Variants in PGS1 observed in about 807,000 individuals in gnomAD.
PGS1 encodes the protein CDP-diacylglycerol--glycerol-3-phosphate 3-phosphatidyltransferase, mitochondrial.
PGS1 carries 44 observed loss-of-function variants against 58.3 expected under a neutral mutation model. The ratio of observed to expected loss-of-function variants is 0.75; its 90% CI spans 0.59 to 0.97. PGS1 has a LOEUF of 0.97. PGS1 is among the 50% of genes least tolerant of loss of function. The probability of loss-of-function intolerance (pLI) is 0.00; values close to 1 mark genes in which losing one functional copy is unlikely to be tolerated. For missense variants in PGS1, 684 were observed against 731.1 expected, an observed-to-expected ratio of 0.94 and a Z score of 0.74; for synonymous variants, 330 against 311.0, an observed-to-expected ratio of 1.06 and a Z score of -0.64.
intron 8 of PGS1, among the ~76,000 whole-genome samples, chr17:78,415,871 C>T (rs758392953): frequency 1.3e-5 from 2 of 152,210 alleles, no homozygotes; most frequent in Non-Finnish European, 2.9e-5. Context: ...TAACACTTTT[C>T]CATGGAAGGC....
intron 7 of PGS1, among the ~76,000 whole-genome samples, chr17:78,409,212 G>A (rs941854412): frequency 1.3e-5 from 2 of 152,258 alleles, no homozygotes; most frequent in Non-Finnish European, 2.9e-5. Flanking sequence ...CCATCTGCTG[G>A]GACATGGGCT....
At chr17:78,401,573 G>C (rs953147368) in intron 6 of PGS1, among the ~76,000 whole-genome samples, 3 of 152,158 alleles carry the variant, frequency 2.0e-5, no homozygotes, top group Non-Finnish European at 2.9e-5. Context: ...TTGGGGAGGA[G>C]GAGCTGAAGT....
At chr17:78,385,582 C>T (rs1380526416) in intron 1 of PGS1, among the ~76,000 whole-genome samples, 1 of 152,204 alleles carries the variant, frequency 6.6e-6, no homozygotes, top group Non-Finnish European at 1.5e-5. Context: ...AGCCGCTGTG[C>T]CTGGCCTAAT....
intron 2 of PGS1, among the ~76,000 whole-genome samples, chr17:78,393,198 CT>C (rs2146143261): frequency 6.6e-6 from 1 of 152,126 alleles, no homozygotes; most frequent in South Asian, 2.1e-4. Flanking sequence ...ATAGCTGGGA[CT>C]ACAGGCGCCT....
At chr17:78,422,702 G>A (rs947465206) in intron 9 of PGS1, among the ~76,000 whole-genome samples, 7 of 151,968 alleles carry the variant, frequency 4.6e-5, no homozygotes, top group African/African-American at 7.3e-5. Flanking sequence ...GTTTTGCCAC[G>A]TTGCCCAGGC....
intron 9 of PGS1, chr17:78,420,015 AAGGC>A (rs2146347942): frequency 8.7e-7 from 1 of 1,145,714 alleles, no homozygotes; most frequent in South Asian, 1.9e-5. Flanking sequence ...AGGGGGCAGA[AAGGC>A]AGATTGAGCC....
chr17:78,399,413 TC>T lies in PGS1; in HGVS notation c.580del (p.Leu194SerfsTer39). 6.2e-7 allele frequency: 1 copy of T among 1,614,084 alleles called. No individual in the cohort carries two copies. Among genetic ancestry groups the T allele is most frequent in the Non-Finnish European group, 8.5e-7 (1 of 1,180,016 alleles). ...GAGGTTCCCAGAGCAGGTCCGAGTC[TC>T]CCTCTTTCACACGCCGCACCTCCGT... ...LRRFPEQVRVSLFHTPHLRGL... is the reference protein window; with the variant it reads ...LRRFPEQVRVXLFHTPHLRGL... On this transcript the variant is annotated frameshift_variant, in exon 5 of 10. Transcript: ENST00000262764. LOFTEE classifies it high-confidence loss of function.
intron 7 of PGS1, among the ~76,000 whole-genome samples, chr17:78,411,841 C>G (rs894064630): frequency 1.4e-5 from 2 of 147,868 alleles, no homozygotes. Flanking sequence ...CGGGTCTGAC[C>G]GGAGCTCCAG....
chr17:78,383,352 G>C (rs184752580), intron 1 of PGS1, among the ~76,000 whole-genome samples: 160 of 151,968 alleles, frequency 1.1e-3, no homozygotes, highest in African/African-American at 3.6e-3. Context: ...TCAGCCTCTC[G>C]AGTAGCTGGG....
rs917748311 is a variant in PGS1 at position 78,378,673 on chromosome 17, T to TGGCGGCGGCAGC, written c.9_20dup (p.Ala6_Ala9dup). ...CGGAAGCGGCGAGTCTCCATGGCGG[T>TGGCGGCGGCAGC]GGCGGCGGCAGCTGCGGCGGGACCC... On this transcript the variant is annotated inframe_insertion, in exon 1 of 10. Transcript: ENST00000262764. 18 of 1,533,682 alleles carry TGGCGGCGGCAGC rather than the reference T, an allele frequency of 1.2e-5. No homozygotes were observed. In the Admixed American group the frequency reaches 3.2e-4, roughly 27 times the overall value.
At chr17:78,419,917 T>A (rs1243084317) in intron 9 of PGS1, 18 of 1,240,174 alleles carry the variant, frequency 1.5e-5, no homozygotes, top group Non-Finnish European at 1.8e-5. Context: ...GCGCCTGTGC[T>A]GGGGTCGGCA....
At chr17:78,389,407 G>C (rs1016690812) in intron 1 of PGS1, among the ~76,000 whole-genome samples, 1 of 151,666 alleles carries the variant, frequency 6.6e-6, no homozygotes, top group Admixed American at 6.6e-5. Flanking sequence ...GGCTGTTCTC[G>C]AACTGCTAAC....
At chr17:78,398,469 A>C (rs541348605) in intron 4 of PGS1, 118 bp downstream of exon 4, 1 of 745,848 alleles carries the variant, frequency 1.3e-6, no homozygotes, top group Non-Finnish European at 2.3e-6. Flanking sequence ...AGATCATCCA[A>C]GCTGGCCCAG....
chr17:78,412,864 T>C (rs1284700178), intron 7 of PGS1, among the ~76,000 whole-genome samples: 1 of 149,316 alleles, frequency 6.7e-6, no homozygotes, highest in Non-Finnish European at 1.5e-5. Flanking sequence ...CAATGGCAGG[T>C]GGGAGGAAGC....
chr17:78,405,656 G>A (rs1598338499), intron 7 of PGS1, among the ~76,000 whole-genome samples: 1 of 152,212 alleles, frequency 6.6e-6, no homozygotes, highest in African/African-American at 2.4e-5. Context: ...GAGGGTGCCC[G>A]CCTCTAGCAG....
In PGS1 at chr17:78,378,901, C is replaced by T; in HGVS notation, c.143+93C>T. On this transcript the variant is annotated intron_variant, in intron 1 of 9. Transcript: ENST00000262764. ...TCCCGGCCCCAGCGTCCTGGGCATC[C>T]GCAGCGAGTCCCTCCCCGGTTTCCG... 1.7e-5 allele frequency: 21 copies of T among 1,256,198 alleles called. 1 individual carries two copies. The South Asian group carries it at 4.0e-4, about 24-fold the overall frequency. The allele number at this position is 1,256,198 out of a possible 1,614,324, so 77.8% of individuals were successfully genotyped here. A position where few individuals can be genotyped will look rare whatever the true frequency, so the allele number is the denominator to read the frequency against.
At chr17:78,418,565 C>T (rs1414224267) in intron 8 of PGS1, among the ~76,000 whole-genome samples, 1 of 152,108 alleles carries the variant, frequency 6.6e-6, no homozygotes, top group Non-Finnish European at 1.5e-5. Context: ...GCTGGTTTGT[C>T]ATATGAGTTG....
At position 78,400,181 on chromosome 17, in the gene PGS1, T is replaced by G. The variant is rs2083544477; in HGVS notation, c.702-496T>G. The G allele has an allele frequency of 5.7e-6, 1 of 175,688 alleles. No homozygotes were observed. The highest frequency in any genetic ancestry group is 1.2e-5 in the Non-Finnish European group (1 of 82,604). The allele number at this position is 175,688 out of a possible 1,614,324, so 10.9% of individuals were successfully genotyped here. On this transcript the variant is annotated intron_variant, in intron 5 of 9. Coordinates refer to ENST00000262764, the MANE Select transcript of PGS1 (RefSeq NM_024419.5). This position sits in a 1 kb window ranked among gnomAD's most constrained non-coding sequence, Gnocchi z 4.4. Reference sequence around the variant, plus strand: ...AGAGGGATCACCTGACGTTAGAAGTTCAAGACCAGCCTGGACAACATGGTG... The same window carrying G: ...AGAGGGATCACCTGACGTTAGAAGTGCAAGACCAGCCTGGACAACATGGTG...
chr17:78,413,049 G>A (rs1469084272), intron 7 of PGS1, among the ~76,000 whole-genome samples: 1 of 152,252 alleles, frequency 6.6e-6, no homozygotes, highest in Non-Finnish European at 1.5e-5. Context: ...ACCAGGGGAA[G>A]GGGGCAGCCT....
Sources: gnomAD v4.1 joint callset for allele counts (sites outside exome capture counted in the v4.1 genomes callset) on GRCh38, gnomAD v4.1.1 for gene constraint, Gnocchi (gnomAD v3.1) non-coding constraint, MANE v1.5 for transcripts, NCBI Gene and HGNC (gene_info 2026-07-23, HGNC 2026-07-21) for gene names.